CSMD2: variants seen among roughly 807,000 people sequenced by gnomAD.
CSMD2 encodes the protein CUB and Sushi multiple domains 2.
A neutral mutation model predicts 398.5 loss-of-function variants in CSMD2; 130 were observed. The observed-to-expected ratio is 0.33, with a 90% confidence interval of 0.28 to 0.38. CSMD2 has a LOEUF of 0.38. CSMD2 is among the 10% of genes least tolerant of loss of function. The probability of loss-of-function intolerance (pLI) is 1.00; values close to 1 mark genes in which losing one functional copy is unlikely to be tolerated. For missense variants in CSMD2, 3,829 were observed against 4,764.9 expected, an observed-to-expected ratio of 0.80 and a Z score of 5.78; for synonymous variants, 1,828 against 1,908.5, an observed-to-expected ratio of 0.96 and a Z score of 1.10.
chr1:33,589,708 G>C (rs79142492), intron 44 of CSMD2, among the ~76,000 whole-genome samples: 4,784 of 152,188 alleles, frequency 0.031, 126 homozygotes, highest in Non-Finnish European at 0.047. Flanking sequence ...TCCAGTGCAC[G>C]GTGAAACCCC....
intron 26 of CSMD2, among the ~76,000 whole-genome samples, chr1:33,660,738 T>G (rs541883466): frequency 6.6e-6 from 1 of 152,320 alleles, no homozygotes; most frequent in Admixed American, 6.5e-5. Context: ...AGGAAACCCT[T>G]CTGTTAGAGA....
intron 2 of CSMD2, among the ~76,000 whole-genome samples, chr1:34,087,017 G>A (rs997136901): frequency 2.0e-5 from 3 of 151,982 alleles, no homozygotes; most frequent in Non-Finnish European, 4.4e-5. Context: ...CAACACCTGG[G>A]ATGATCTAGA....
chr1:33,964,438 T>C (rs1394002642), intron 3 of CSMD2, among the ~76,000 whole-genome samples: 1 of 152,222 alleles, frequency 6.6e-6, no homozygotes, highest in Non-Finnish European at 1.5e-5. Context: ...GCTTGGCACA[T>C]GTTAGGCTCT....
intron 49 of CSMD2, among the ~76,000 whole-genome samples, chr1:33,573,740 G>A (rs969244476): frequency 2.6e-5 from 4 of 152,138 alleles, no homozygotes; most frequent in African/African-American, 9.7e-5. Flanking sequence ...AAAGTGGATG[G>A]GATGGAATTA....
At chr1:33,658,832 C>T (rs771573641) in intron 26 of CSMD2, among the ~76,000 whole-genome samples, 4 of 152,128 alleles carry the variant, frequency 2.6e-5, no homozygotes, top group African/African-American at 7.2e-5. Context: ...TCACTGCACT[C>T]GAGTGTGGGT....
chr1:34,035,394 C>T (rs1650985654), intron 2 of CSMD2, among the ~76,000 whole-genome samples: 1 of 151,966 alleles, frequency 6.6e-6, no homozygotes, highest in Non-Finnish European at 1.5e-5. Context: ...AAGCCAAAGA[C>T]AATACAAATA....
chr1:33,603,800 A>G (rs565390363), intron 42 of CSMD2, among the ~76,000 whole-genome samples: 2 of 152,336 alleles, frequency 1.3e-5, no homozygotes, highest in East Asian at 3.9e-4. Context: ...TCATATTTAT[A>G]CTCAGACCTA....
intron 4 of CSMD2, among the ~76,000 whole-genome samples, chr1:33,927,986 G>A (rs1055153314): frequency 2.6e-5 from 4 of 152,216 alleles, no homozygotes; most frequent in African/African-American, 9.6e-5. Context: ...GGAAGGTCAA[G>A]GGGAAACCGC....
At chr1:33,988,263 G>A (rs1353641836) in intron 3 of CSMD2, among the ~76,000 whole-genome samples, 5 of 152,222 alleles carry the variant, frequency 3.3e-5, no homozygotes, top group African/African-American at 4.8e-5. Flanking sequence ...GGAGTAGCCA[G>A]GACATGGAGG....
At chr1:33,738,797 CT>C (rs1200498934) in intron 15 of CSMD2, among the ~76,000 whole-genome samples, 1 of 152,172 alleles carries the variant, frequency 6.6e-6, no homozygotes, top group Non-Finnish European at 1.5e-5. Context: ...GCTGCCAATG[CT>C]ACTTTGGGCT....
chr1:33,984,161 CAA>C (rs5773446), intron 3 of CSMD2, among the ~76,000 whole-genome samples: 3,550 of 146,084 alleles, frequency 0.024, 135 homozygotes, highest in African/African-American at 0.081. Flanking sequence ...CTCCCCCCAC[CAA>C]AAAAAAAAAA....
At chr1:34,161,574 C>G (rs887451580) in intron 1 of CSMD2, among the ~76,000 whole-genome samples, 5 of 152,062 alleles carry the variant, frequency 3.3e-5, no homozygotes, top group Admixed American at 2.0e-4. Flanking sequence ...AGAAATTCAT[C>G]CAAAGTGGCC....
intron 62 of CSMD2, among the ~76,000 whole-genome samples, chr1:33,536,751 A>G (rs1437943759): frequency 6.6e-6 from 1 of 151,526 alleles, no homozygotes; most frequent in African/African-American, 2.4e-5. Flanking sequence ...TTCCACAACC[A>G]CCCTGCCTGG....
chr1:33,947,712 C>T (rs568341542), intron 3 of CSMD2, among the ~76,000 whole-genome samples: 8 of 152,312 alleles, frequency 5.3e-5, no homozygotes, highest in East Asian at 1.9e-4. Context: ...AGGGATTCAA[C>T]GTGTGGTGCA....
At chr1:33,963,395 T>C (rs1016645617) in intron 3 of CSMD2, among the ~76,000 whole-genome samples, 2 of 152,262 alleles carry the variant, frequency 1.3e-5, no homozygotes, top group African/African-American at 2.4e-5. Flanking sequence ...AATTGGCATA[T>C]ATTTAAAGTG....
chr1:34,002,460 C>T (rs1173737926), intron 3 of CSMD2, among the ~76,000 whole-genome samples: 1 of 152,178 alleles, frequency 6.6e-6, no homozygotes, highest in Non-Finnish European at 1.5e-5. Context: ...CTCAGTTTCT[C>T]ACCTGTAAAA....
At chr1:34,068,470 T>A (rs1171579939) in intron 2 of CSMD2, among the ~76,000 whole-genome samples, 1 of 152,266 alleles carries the variant, frequency 6.6e-6, no homozygotes, top group Non-Finnish European at 1.5e-5. Flanking sequence ...CATACCCATG[T>A]TATTATTAGC....
At chr1:33,567,481 A>ATATATATATATATATG in intron 53 of CSMD2, 112 bp downstream of exon 53, 1 of 566,316 alleles carries the variant, frequency 1.8e-6, no homozygotes, top group East Asian at 4.2e-5. Context: ...TAGCAATCAT[A>ATATATATATATATATG]TATATATATA....
intron 1 of CSMD2, among the ~76,000 whole-genome samples, chr1:34,137,646 T>G (rs1464841071): frequency 6.6e-6 from 1 of 152,184 alleles, no homozygotes; most frequent in African/African-American, 2.4e-5. Flanking sequence ...TGTTCCAGCC[T>G]GGCCCAACCT....
Sources: gnomAD v4.1 joint callset for allele counts (sites outside exome capture counted in the v4.1 genomes callset) on GRCh38, gnomAD v4.1.1 for gene constraint, MANE v1.5 for transcripts, NCBI Gene and HGNC (gene_info 2026-07-23, HGNC 2026-07-21) for gene names.